Variants in KIF26B observed in about 807,000 individuals in gnomAD.
KIF26B encodes the protein kinesin-like protein KIF26B.
A neutral mutation model predicts 151.2 loss-of-function variants in KIF26B; 63 were observed. That is an observed-to-expected ratio of 0.42 (90% CI 0.34 to 0.51). The LOEUF (loss-of-function observed/expected upper bound fraction) is 0.51, where lower values mean the gene tolerates loss of function less well. Ranked by LOEUF, KIF26B falls within the 20% of genes least tolerant of loss-of-function variation. The pLI, the probability that KIF26B is intolerant of heterozygous loss-of-function variation, is 0.07. For missense variants in KIF26B, 2,813 were observed against 2,913.6 expected, an observed-to-expected ratio of 0.97 and a Z score of 0.79; for synonymous variants, 1,357 against 1,262.1, an observed-to-expected ratio of 1.08 and a Z score of -1.59.
chr1:245,675,152 C>T (rs1283449482), intron 10 of KIF26B, among the ~76,000 whole-genome samples: 2 of 152,182 alleles, frequency 1.3e-5, no homozygotes, highest in Non-Finnish European at 2.9e-5. Context: ...CTTCCATTGT[C>T]GTCAGGACAC....
chr1:245,264,239 T>C (rs769084460), intron 2 of KIF26B, among the ~76,000 whole-genome samples: 28 of 152,186 alleles, frequency 1.8e-4, no homozygotes, highest in Non-Finnish European at 3.8e-4. Context: ...TTAAGGTAAA[T>C]GACCATTTAA....
At chr1:245,506,323 A>C (rs1660728563) in intron 4 of KIF26B, among the ~76,000 whole-genome samples, 1 of 152,174 alleles carries the variant, frequency 6.6e-6, no homozygotes. Context: ...TTTTTATTTT[A>C]CTTTACCCAT....
At chr1:245,354,761 C>T (rs536442190) in intron 2 of KIF26B, among the ~76,000 whole-genome samples, 6 of 152,242 alleles carry the variant, frequency 3.9e-5, no homozygotes, top group East Asian at 1.9e-4. Flanking sequence ...AGAGGAGAGC[C>T]GGCATTAGCT....
intron 4 of KIF26B, among the ~76,000 whole-genome samples, chr1:245,484,710 CTTCT>C: frequency 6.6e-6 from 1 of 151,582 alleles, no homozygotes; most frequent in African/African-American, 2.4e-5. Flanking sequence ...CCTTCTCCTT[CTTCT>C]TTCTTCTTTC....
In KIF26B at chr1:245,709,307, A is replaced by T. The variant is rs2044878038; in HGVS notation, c.*6701A>T. 6.6e-6 allele frequency: 1 copy of T among 152,194 alleles called. No homozygotes were observed. The highest frequency in any genetic ancestry group is 1.5e-5 in the Non-Finnish European group (1 of 68,034). The allele number at this position is 152,194 out of a possible 1,614,324, so 9.4% of individuals were successfully genotyped here. On this transcript the variant is annotated 3_prime_UTR_variant, in exon 15 of 15. Transcript: ENST00000407071. ...CTGTGTGGCATTTTCCAGTGTAAAG[A>T]CATTGTTTGCTGGCTACGATCTCTG... is the stretch of plus-strand genomic sequence containing the variant.
At position 245,702,450 on chromosome 1, in the gene KIF26B, T is replaced by C; in HGVS notation, c.6179-8T>C. On this transcript the variant is annotated splice_region_variant and splice_polypyrimidine_tract_variant and intron_variant, in intron 14 of 14. Coordinates refer to ENST00000407071, the MANE Select transcript of KIF26B (RefSeq NM_018012.4). This position sits in a 1 kb window ranked among gnomAD's most constrained non-coding sequence, Gnocchi z 4.1. ...CTGCGTCTCCATCAGGCTCTTCCTCTCTTGCAGTTGACTTGGAGCAGGTTT... is the reference window on the plus strand; with the variant it reads ...CTGCGTCTCCATCAGGCTCTTCCTCCCTTGCAGTTGACTTGGAGCAGGTTT... 1 of 1,613,856 alleles carries C rather than the reference T, an allele frequency of 6.2e-7. No homozygotes were observed.
chr1:245,328,329 G>A (rs1672035534), intron 2 of KIF26B, among the ~76,000 whole-genome samples: 2 of 152,090 alleles, frequency 1.3e-5, no homozygotes, highest in African/African-American at 4.8e-5. Flanking sequence ...CCTGCAGTCT[G>A]TTTCTATTTA....
At chr1:245,459,017 G>A (rs1291162442) in intron 4 of KIF26B, among the ~76,000 whole-genome samples, 2 of 152,178 alleles carry the variant, frequency 1.3e-5, no homozygotes, top group African/African-American at 4.8e-5. Flanking sequence ...CAGCTCAGTA[G>A]ATAGGAGCAT....
chr1:245,182,761 G>A (rs1466445205), intron 2 of KIF26B, among the ~76,000 whole-genome samples: 3 of 152,026 alleles, frequency 2.0e-5, no homozygotes, highest in South Asian at 2.1e-4. Context: ...CCAGCCTCCC[G>A]AGTAGCTGGG....
chr1:245,290,203 A>T (rs979857100), intron 2 of KIF26B, among the ~76,000 whole-genome samples: 2 of 152,074 alleles, frequency 1.3e-5, no homozygotes, highest in African/African-American at 2.4e-5. Context: ...GAATGAATGA[A>T]TGAATGGAAG....
chr1:245,479,778 C>T (rs867938353), intron 4 of KIF26B, among the ~76,000 whole-genome samples: 19 of 151,676 alleles, frequency 1.3e-4, no homozygotes, highest in Non-Finnish European at 5.9e-5. Context: ...GTCCAGAAAC[C>T]GTCAGGTAGC....
At chr1:245,232,490 C>G (rs1356040225) in intron 2 of KIF26B, among the ~76,000 whole-genome samples, 8 of 151,430 alleles carry the variant, frequency 5.3e-5, no homozygotes, top group Non-Finnish European at 1.5e-5. Flanking sequence ...GATCTAGATG[C>G]ACTATTTACC....
chr1:245,287,494 C>CTTTTTTTTTTTTTTTTTTTTTTTTT (rs1157634485), intron 2 of KIF26B, among the ~76,000 whole-genome samples: 1 of 113,172 alleles, frequency 8.8e-6, no homozygotes. Context: ...TCATCTCTCT[C>CTTTTTTTTTTTTTTTTTTTTTTTTT]TCTCTTTTTT....
At chr1:245,684,434 A>G in intron 11 of KIF26B, 39 bp downstream of exon 11, 1 of 1,534,020 alleles carries the variant, frequency 6.5e-7, no homozygotes, top group South Asian at 1.2e-5. Context: ...TGGATGAGGG[A>G]GCCTTTGGAG....
intron 2 of KIF26B, among the ~76,000 whole-genome samples, chr1:245,306,368 A>C (rs1671539107): frequency 6.6e-6 from 1 of 152,222 alleles, no homozygotes; most frequent in Non-Finnish European, 1.5e-5. Context: ...CCTCATTCTC[A>C]GGGGCTGAAT....
At chr1:245,692,896 T>C (rs1317402237) in intron 12 of KIF26B, among the ~76,000 whole-genome samples, 2 of 152,086 alleles carry the variant, frequency 1.3e-5, no homozygotes, top group Non-Finnish European at 2.9e-5. Context: ...GAGCCAAGAA[T>C]GAGCCCAGGA....
At chr1:245,468,387 C>T (rs1347993773) in intron 4 of KIF26B, among the ~76,000 whole-genome samples, 1 of 152,098 alleles carries the variant, frequency 6.6e-6, no homozygotes, top group Non-Finnish European at 1.5e-5. Flanking sequence ...CACCTCATTG[C>T]CTCTGAGGAT....
At position 245,355,057 on chromosome 1, in the gene KIF26B, G is replaced by T. The variant is rs12128539; in HGVS notation, c.466-11777G>T. On this transcript the variant is annotated intron_variant, in intron 2 of 14. Coordinates refer to ENST00000407071, the MANE Select transcript of KIF26B (RefSeq NM_018012.4). ...TGCCTCAGCCTCCTGAGTGGCTGGG[G>T]CTACAGGCACCCACCACCACACCTG... 4.2e-3 allele frequency among the ~76,000 whole-genome samples: 644 copies of T among 152,160 alleles called. 4 individuals are homozygous for T. The highest frequency in any genetic ancestry group is 0.015 in the African/African-American group (614 of 41,516).
intron 2 of KIF26B, among the ~76,000 whole-genome samples, chr1:245,271,385 T>C (rs886167872): frequency 6.6e-6 from 1 of 152,210 alleles, no homozygotes; most frequent in Admixed American, 6.5e-5. Flanking sequence ...TTGTAATCCA[T>C]GTACATAGGA....
Sources: allele counts gnomAD v4.1 joint callset (sites outside exome capture counted in the v4.1 genomes callset), GRCh38; gene constraint gnomAD v4.1.1; non-coding constraint Gnocchi (gnomAD v3.1); transcripts MANE v1.5; gene names NCBI Gene and HGNC (gene_info 2026-07-23, HGNC 2026-07-21).